TRAPPC9: variants seen among roughly 807,000 people sequenced by gnomAD.
TRAPPC9 encodes the protein IKK2 binding protein.
TRAPPC9 carries 83 observed loss-of-function variants against 124.0 expected under a neutral mutation model. The ratio of observed to expected loss-of-function variants is 0.67; its 90% CI spans 0.56 to 0.80. The LOEUF (loss-of-function observed/expected upper bound fraction) is 0.80. Among genes scored for constraint, TRAPPC9 ranks in the 30% least tolerant of loss-of-function variants. The pLI, the probability that TRAPPC9 is intolerant of heterozygous loss-of-function variation, is 0.00. For synonymous variants in TRAPPC9, 638 were observed against 617.5 expected (o/e 1.03, Z -0.49); for missense variants, 1,302 against 1,508.3 (o/e 0.86, Z 2.27).
chr8:140,217,572 C>T (rs1352571098), intron 17 of TRAPPC9, among the ~76,000 whole-genome samples: 1 of 150,446 alleles, frequency 6.6e-6, no homozygotes, highest in East Asian at 1.9e-4. Flanking sequence ...AATAAATATA[C>T]CCCCTACAGC....
rs1587349084 is a variant in TRAPPC9 at position 139,960,738 on chromosome 8, C to A, written c.2810+27988G>T. ...AGGACGGTGACCATGTGGGGGACAC[C>A]CAAGCACCCCACCTGGCCCTCAGGA... On this transcript the variant is annotated intron_variant, in intron 19 of 22. Transcript: ENST00000438773. Among the ~76,000 whole-genome samples, 4 of 124,324 alleles carry A rather than the reference C, an allele frequency of 3.2e-5. 1 individual carries two copies. Among genetic ancestry groups the A allele is most frequent in the African/African-American group, 1.0e-4 (4 of 39,216 alleles). 81.6% of individuals were successfully genotyped at this position (124,324 alleles called of 152,430 possible).
chr8:140,187,976 C>T (rs547928266), intron 17 of TRAPPC9, among the ~76,000 whole-genome samples: 1 of 152,276 alleles, frequency 6.6e-6, no homozygotes, highest in Admixed American at 6.5e-5. Context: ...TCAGTGTGGT[C>T]GGGAGAGGAA....
intron 21 of TRAPPC9, among the ~76,000 whole-genome samples, chr8:139,844,077 C>T (rs1023613994): frequency 6.6e-6 from 1 of 152,212 alleles, no homozygotes; most frequent in Non-Finnish European, 1.5e-5. Context: ...GCTTCAGCGG[C>T]TTCCCAGAGA....
At chr8:140,055,010 G>A (rs1587606285) in intron 17 of TRAPPC9, among the ~76,000 whole-genome samples, 1 of 152,280 alleles carries the variant, frequency 6.6e-6, no homozygotes, top group East Asian at 1.9e-4. Context: ...CTTCCAAAAA[G>A]CTGAAGAGGA....
chr8:139,937,934 CAG>C (rs539977696), intron 19 of TRAPPC9, among the ~76,000 whole-genome samples: 19 of 152,290 alleles, frequency 1.2e-4, no homozygotes, highest in African/African-American at 3.8e-4. Context: ...ACCAGATGCA[CAG>C]AGACACCTCC....
intron 14 of TRAPPC9, among the ~76,000 whole-genome samples, chr8:140,278,229 G>T (rs529381449): frequency 1.3e-5 from 2 of 152,038 alleles, no homozygotes; most frequent in Non-Finnish European, 2.9e-5. Flanking sequence ...TCAGCCTCCC[G>T]AGTAGCTGGG....
intron 21 of TRAPPC9, among the ~76,000 whole-genome samples, chr8:139,818,509 G>A (rs1825018910): frequency 6.6e-6 from 1 of 152,134 alleles, no homozygotes; most frequent in African/African-American, 2.4e-5. Context: ...CCAGGAGGCA[G>A]AGGTTGCAGT....
chr8:139,765,907 G>T (rs1171336097), intron 21 of TRAPPC9, among the ~76,000 whole-genome samples: 1 of 152,186 alleles, frequency 6.6e-6, no homozygotes, highest in African/African-American at 2.4e-5. Flanking sequence ...TGAGCTGGTG[G>T]CACACGTAGG....
At chr8:139,870,308 C>G (rs1244405029) in intron 21 of TRAPPC9, among the ~76,000 whole-genome samples, 1 of 152,090 alleles carries the variant, frequency 6.6e-6, no homozygotes, top group East Asian at 1.9e-4. Context: ...CATGAACGTA[C>G]CAGGAGAAAA....
At chr8:139,744,433 G>A (rs890619402) in intron 21 of TRAPPC9, among the ~76,000 whole-genome samples, 3 of 150,992 alleles carry the variant, frequency 2.0e-5, no homozygotes, top group African/African-American at 7.3e-5. Flanking sequence ...CCCAAGGAAA[G>A]CTCAGACAGG....
At chr8:139,985,546 T>C (rs535952412) in intron 19 of TRAPPC9, among the ~76,000 whole-genome samples, 98 of 152,142 alleles carry the variant, frequency 6.4e-4, no homozygotes, top group African/African-American at 2.4e-3. Flanking sequence ...CACAGAAGCA[T>C]ACACCAGCCC....
chr8:139,955,446 G>A (rs529217958), intron 19 of TRAPPC9, among the ~76,000 whole-genome samples: 28 of 151,754 alleles, frequency 1.8e-4, no homozygotes, highest in Non-Finnish European at 3.7e-4. Context: ...GGTTTCAAGC[G>A]CCCACGTTCA....
Position 140,293,008 on chromosome 8 carries a change from C to T in TRAPPC9, c.1769-1930G>A, listed in dbSNP as rs2065705901. 2.1e-5 allele frequency among the ~76,000 whole-genome samples: 3 copies of T among 146,278 alleles called. No individual in the cohort carries two copies. The South Asian group carries it at 6.6e-4, about 32-fold the overall frequency. On this transcript the variant is annotated intron_variant, in intron 11 of 22. Transcript: ENST00000438773. The stretch of plus-strand genomic sequence containing the variant: ...ATCCAGAATCTACAATGAACTCAAA[C>T]AAATTTACAAGAAAAAAACAAACAA...
chr8:140,220,224 T>C (rs1422036958), intron 17 of TRAPPC9, among the ~76,000 whole-genome samples: 1 of 152,062 alleles, frequency 6.6e-6, no homozygotes, highest in Non-Finnish European at 1.5e-5. Flanking sequence ...TACGATCCAT[T>C]ACCTAAAAGA....
intron 21 of TRAPPC9, among the ~76,000 whole-genome samples, chr8:139,884,806 A>G (rs1443973607): frequency 6.6e-6 from 1 of 152,204 alleles, no homozygotes; most frequent in Non-Finnish European, 1.5e-5. Context: ...AAGAGGCCAC[A>G]GAAGGAGCCC....
chr8:140,209,841 A>C (rs1210518808), intron 17 of TRAPPC9, among the ~76,000 whole-genome samples: 2 of 152,232 alleles, frequency 1.3e-5, no homozygotes, highest in Non-Finnish European at 2.9e-5. Flanking sequence ...TGTATCCCAT[A>C]ATAAGTTGGG....
chr8:139,968,002 A>G (rs1233823828), intron 19 of TRAPPC9, among the ~76,000 whole-genome samples: 1 of 151,830 alleles, frequency 6.6e-6, no homozygotes, highest in Non-Finnish European at 1.5e-5. Flanking sequence ...TTAGCCAGGC[A>G]TGGTGGCGTG....
intron 19 of TRAPPC9, among the ~76,000 whole-genome samples, chr8:139,953,251 G>A (rs1289027739): frequency 3.9e-5 from 6 of 152,210 alleles, no homozygotes; most frequent in Non-Finnish European, 5.9e-5. Flanking sequence ...CAGCACTTTG[G>A]GAGGCCGAGG....
chr8:140,297,785 G>A (rs779076898), intron 11 of TRAPPC9, among the ~76,000 whole-genome samples: 2 of 152,228 alleles, frequency 1.3e-5, no homozygotes, highest in Non-Finnish European at 2.9e-5. Context: ...TACAGTTTTA[G>A]AGAGCGTTTA....
Sources: gnomAD v4.1 joint callset for allele counts (sites outside exome capture counted in the v4.1 genomes callset) on GRCh38, gnomAD v4.1.1 for gene constraint, MANE v1.5 for transcripts, NCBI Gene and HGNC (gene_info 2026-07-23, HGNC 2026-07-21) for gene names.